KCNIP4: variants seen among roughly 807,000 people sequenced by gnomAD.
The protein encoded by KCNIP4 is Kv channel-interacting protein 4.
Under a neutral mutation model 34.0 loss-of-function variants are expected in KCNIP4, and 12 were observed. The ratio of observed to expected loss-of-function variants is 0.35; its 90% CI spans 0.23 to 0.57. The LOEUF (loss-of-function observed/expected upper bound fraction) is 0.57. KCNIP4 is among the 20% of genes least tolerant of loss of function. The probability of loss-of-function intolerance (pLI) is 0.83; values close to 1 mark genes in which losing one functional copy is unlikely to be tolerated. For missense variants in KCNIP4, 238 were observed against 311.7 expected (o/e 0.76, Z 1.78); for synonymous variants, 124 against 102.2 (o/e 1.21, Z -1.29).
intron 1 of KCNIP4, among the ~76,000 whole-genome samples, chr4:21,611,659 TTG>T: frequency 6.6e-6 from 1 of 152,234 alleles, no homozygotes; most frequent in Non-Finnish European, 1.5e-5. Context: ...TTGTTTGTTT[TTG>T]TTTTTGTTTT....
intron 1 of KCNIP4, among the ~76,000 whole-genome samples, chr4:21,514,008 G>A (rs1734553133): frequency 1.3e-5 from 2 of 152,128 alleles, no homozygotes; most frequent in Non-Finnish European, 1.5e-5. Flanking sequence ...CAAAATAGGT[G>A]TAGGTCCTTT....
intron 1 of KCNIP4, among the ~76,000 whole-genome samples, chr4:21,729,045 T>C (rs749793743): frequency 3.3e-5 from 5 of 152,128 alleles, no homozygotes; most frequent in Non-Finnish European, 4.4e-5. Context: ...TAATGTCTCT[T>C]TGCAAATAAT....
At chr4:21,937,077 G>A (rs753321029) in intron 1 of KCNIP4, among the ~76,000 whole-genome samples, 1 of 152,052 alleles carries the variant, frequency 6.6e-6, no homozygotes, top group Non-Finnish European at 1.5e-5. Context: ...GCAAGACTGT[G>A]CCTCATTCAT....
chr4:21,429,258 T>C (rs986157605), intron 1 of KCNIP4, among the ~76,000 whole-genome samples: 1 of 152,150 alleles, frequency 6.6e-6, no homozygotes. Flanking sequence ...CTTTTCAGAG[T>C]AGCTTCCTTC....
At chr4:21,625,327 G>A (rs116021109) in intron 1 of KCNIP4, among the ~76,000 whole-genome samples, 1 of 152,010 alleles carries the variant, frequency 6.6e-6, no homozygotes, top group Non-Finnish European at 1.5e-5. Flanking sequence ...GCACATGGTA[G>A]GTTATATGAG....
At chr4:21,001,099 T>C (rs1738093121) in intron 1 of KCNIP4, among the ~76,000 whole-genome samples, 1 of 152,224 alleles carries the variant, frequency 6.6e-6, no homozygotes, top group Non-Finnish European at 1.5e-5. Flanking sequence ...AGATTTGACA[T>C]GTAGTAGGAG....
intron 1 of KCNIP4, among the ~76,000 whole-genome samples, chr4:21,671,950 A>G (rs913097127): frequency 2.0e-5 from 3 of 152,122 alleles, no homozygotes; most frequent in Admixed American, 6.6e-5. Context: ...AAATGAACAA[A>G]TGCTCCTGGA....
At chr4:20,804,381 C>T (rs1714792799) in intron 3 of KCNIP4, among the ~76,000 whole-genome samples, 2 of 152,148 alleles carry the variant, frequency 1.3e-5, no homozygotes, top group Admixed American at 1.3e-4. Context: ...TACCACACTG[C>T]TGTACTTTAG....
chr4:21,908,638 A>C (rs557162733), intron 1 of KCNIP4, among the ~76,000 whole-genome samples: 2 of 152,354 alleles, frequency 1.3e-5, no homozygotes, highest in African/African-American at 4.8e-5. Context: ...CTGAACTAAG[A>C]GTTCCCAACA....
At chr4:20,825,225 G>GTTTTTTTTTTTTTTTTTTTTTTTT (rs71181592) in intron 3 of KCNIP4, among the ~76,000 whole-genome samples, 3 of 113,636 alleles carry the variant, frequency 2.6e-5, no homozygotes, top group Non-Finnish European at 5.2e-5. Context: ...TCAATTTTAC[G>GTTTTTTTTTTTTTTTTTTTTTTTT]TTTTTTTTTT....
intron 1 of KCNIP4, among the ~76,000 whole-genome samples, chr4:21,667,405 T>C (rs1310271242): frequency 6.6e-6 from 1 of 152,156 alleles, no homozygotes; most frequent in Non-Finnish European, 1.5e-5. Context: ...ACACAAACAA[T>C]GTCACTGCTA....
At chr4:21,097,806 G>C (rs1577685035) in intron 1 of KCNIP4, among the ~76,000 whole-genome samples, 1 of 151,962 alleles carries the variant, frequency 6.6e-6, no homozygotes, top group African/African-American at 2.4e-5. Context: ...AATGTTTAAG[G>C]GCAAGGAAGA....
At chr4:21,719,090 A>T (rs572001787) in intron 1 of KCNIP4, 1 of 152,342 alleles carries the variant, frequency 6.6e-6, no homozygotes, top group Non-Finnish European at 1.5e-5. Flanking sequence ...CATTGAAGTA[A>T]TATTTTCTGC....
intron 1 of KCNIP4, among the ~76,000 whole-genome samples, chr4:21,353,251 C>T (rs936628727): frequency 1.3e-5 from 2 of 152,130 alleles, no homozygotes; most frequent in Admixed American, 6.5e-5. Context: ...TCCAAAGGAT[C>T]GCAGCTCCTC....
At chr4:21,482,293 A>G (rs1273600699) in intron 1 of KCNIP4, among the ~76,000 whole-genome samples, 3 of 152,044 alleles carry the variant, frequency 2.0e-5, no homozygotes, top group Non-Finnish European at 4.4e-5. Context: ...TTTTAATTGG[A>G]GCATTTAGCC....
At chr4:20,805,781 T>C (rs1715002249) in intron 3 of KCNIP4, among the ~76,000 whole-genome samples, 1 of 152,108 alleles carries the variant, frequency 6.6e-6, no homozygotes, top group African/African-American at 2.4e-5. Context: ...CTTTCTTTCC[T>C]CAGAGTAGTA....
intron 1 of KCNIP4, among the ~76,000 whole-genome samples, chr4:21,532,321 T>A (rs1265787822): frequency 1.5e-5 from 2 of 135,908 alleles, no homozygotes; most frequent in Non-Finnish European, 3.1e-5. Flanking sequence ...AGGTGTGTTT[T>A]CATGCAATTG....
intron 1 of KCNIP4, among the ~76,000 whole-genome samples, chr4:21,263,227 G>A (rs1299677850): frequency 6.6e-6 from 1 of 152,196 alleles, no homozygotes; most frequent in Admixed American, 6.5e-5. Flanking sequence ...CACTAAGGTA[G>A]AGACACAATA....
chr4:20,852,840 A>G (rs902350039), intron 2 of KCNIP4, among the ~76,000 whole-genome samples: 14 of 152,170 alleles, frequency 9.2e-5, no homozygotes, highest in Non-Finnish European at 2.1e-4. Context: ...CAGTGACCAA[A>G]CAGAGAATCA....
Sources: gnomAD v4.1 joint callset for allele counts (sites outside exome capture counted in the v4.1 genomes callset) on GRCh38, gnomAD v4.1.1 for gene constraint, MANE v1.5 for transcripts, NCBI Gene and HGNC (gene_info 2026-07-23, HGNC 2026-07-21) for gene names.